The following DLGAP4 variants were observed in gnomAD, a reference collection of about 807,000 sequenced individuals.
DLGAP4 encodes DLG associated protein 4.
A neutral mutation model predicts 86.9 loss-of-function variants in DLGAP4; 18 were observed. The ratio of observed to expected loss-of-function variants is 0.21; its 90% confidence interval spans 0.14 to 0.31. DLGAP4 has a LOEUF of 0.31. Ranked by LOEUF, DLGAP4 falls within the 10% of genes least tolerant of loss-of-function variation. DLGAP4 has a pLI of 1.00. For synonymous variants in DLGAP4, 548 were observed against 574.3 expected (o/e 0.95, Z 0.65); for missense variants, 1,085 against 1,362.6 (o/e 0.80, Z 3.21).
chr20:36,436,384 C>A, intron 4 of DLGAP4, 34 bp downstream of exon 4: 2 of 1,552,242 alleles, frequency 1.3e-6, no homozygotes, highest in Non-Finnish European at 1.7e-6. Context: ...CGGTCCCGCC[C>A]AGAGGCAAGC....
intron 7 of DLGAP4, among the ~76,000 whole-genome samples, chr20:36,465,053 T>G (rs908085899): frequency 6.6e-6 from 1 of 152,178 alleles, no homozygotes; most frequent in Non-Finnish European, 1.5e-5. Flanking sequence ...ATGTATTTTT[T>G]TTTAAATCTG....
chr20:36,410,021 T>C (rs1418405139), intron 2 of DLGAP4, among the ~76,000 whole-genome samples: 1 of 147,486 alleles, frequency 6.8e-6, no homozygotes. Flanking sequence ...GCGACAGAGT[T>C]AGACTCCGTC....
rs12481257 is a variant in DLGAP4 at position 36,343,627 on chromosome 20, C to A, written c.-303-23418C>A. Among the ~76,000 whole-genome samples, 78 of 152,214 alleles carry A rather than the reference C, an allele frequency of 5.1e-4. 1 individual carries two copies. The highest frequency in any genetic ancestry group is 8.8e-4 in the Non-Finnish European group (60 of 67,994). On this transcript the variant is annotated intron_variant, in intron 1 of 12. Transcript: ENST00000339266. ...TTTTGAGGCTACCAGGTACCCCCCC[C>A]CAACCCCCCGTTGGGTGAATTTGAA...
Position 36,420,977 on chromosome 20 carries a change from G to GA in DLGAP4, c.-72-10657dup, listed in dbSNP as rs879279886. On this transcript the variant is annotated intron_variant, in intron 2 of 12. Transcript: ENST00000339266. The stretch of plus-strand genomic sequence containing the variant: ...AACAAGAGCGAAAACTCTGTCTCAA[G>GA]AAAAAAAAAAAATTAGTAGCCGTGC... 3.5e-3 allele frequency among the ~76,000 whole-genome samples: 498 copies of GA among 143,160 alleles called. 1 individual carries two copies. The highest frequency in any genetic ancestry group is 8.7e-3 in the African/African-American group (343 of 39,280). The allele number at this position is 143,160 out of a possible 152,430, so 93.9% of individuals were successfully genotyped here. A position where few individuals can be genotyped will look rare whatever the true frequency, so the allele number is the denominator to read the frequency against.
rs1401261652 is a variant in DLGAP4 at position 36,526,961 on chromosome 20, G to A, written c.2909G>A (p.Arg970Gln). The A allele has an allele frequency of 2.0e-5, 33 of 1,610,092 alleles. No homozygotes were observed. Among genetic ancestry groups the A allele is most frequent in the East Asian group, 2.2e-5 (1 of 44,682 alleles). ...GCGGCCAAGCGGGCAGCTTCTGTGC[G>A]GCAGAACTCAGCCACCGAGAGCGCA... is the stretch of plus-strand genomic sequence containing the variant. ...LLAAKRAASV[R>Q]QNSATESADS... The change falls in exon 13 of 13, where the codon CGG (arginine) becomes CAG (glutamine). Residue 970 changes from arginine (R) to glutamine (Q), a missense_variant. Physicochemically the swap from Arg to Gln is conservative, Grantham distance 43. Transcript: ENST00000339266.
chr20:36,405,265 A>G (rs1322777839), intron 2 of DLGAP4, among the ~76,000 whole-genome samples: 1 of 152,200 alleles, frequency 6.6e-6, no homozygotes, highest in Non-Finnish European at 1.5e-5. Flanking sequence ...TTCAAATCCC[A>G]TCTCTGTAAC....
At chr20:36,502,596 C>T (rs1163823371) in intron 10 of DLGAP4, among the ~76,000 whole-genome samples, 3 of 152,182 alleles carry the variant, frequency 2.0e-5, no homozygotes. Context: ...AAGCCATCCT[C>T]TTGGGTTGGC....
intron 2 of DLGAP4, among the ~76,000 whole-genome samples, chr20:36,401,684 C>T (rs2032166106): frequency 6.6e-6 from 1 of 152,210 alleles, no homozygotes; most frequent in Non-Finnish European, 1.5e-5. Context: ...TGGCAGAGCT[C>T]ACAATCTGGG....
intron 2 of DLGAP4, among the ~76,000 whole-genome samples, chr20:36,420,016 TA>T (rs5841231): frequency 0.86 from 130,239 of 152,148 alleles, 56,315 homozygotes; most frequent in East Asian, 1. Flanking sequence ...TGAGCTCACA[TA>T]ATGTGAAGCA....
chr20:36,361,258 T>C (rs1400922911), intron 1 of DLGAP4, among the ~76,000 whole-genome samples: 2 of 152,146 alleles, frequency 1.3e-5, no homozygotes, highest in Non-Finnish European at 2.9e-5. Context: ...ATTTTTCCAT[T>C]TCAGTTCAAC....
chr20:36,321,577 G>C (rs77705989), intron 1 of DLGAP4, among the ~76,000 whole-genome samples: 4,398 of 152,360 alleles, frequency 0.029, 256 homozygotes, highest in African/African-American at 0.1. Context: ...TGAGGCGCTC[G>C]CCCGCCTCAG....
At chr20:36,353,686 G>C (rs888890871) in intron 1 of DLGAP4, among the ~76,000 whole-genome samples, 3 of 152,234 alleles carry the variant, frequency 2.0e-5, no homozygotes, top group Non-Finnish European at 4.4e-5. Flanking sequence ...GCTCCAACCT[G>C]TGTCCGCCAC....
intron 10 of DLGAP4, among the ~76,000 whole-genome samples, chr20:36,522,555 C>T (rs1191316073): frequency 6.6e-6 from 1 of 152,224 alleles, no homozygotes; most frequent in Non-Finnish European, 1.5e-5. Flanking sequence ...GAGTCTTACT[C>T]TGCCACCCAC....
chr20:36,380,593 A>AAGAGAG (rs57814145), intron 2 of DLGAP4, among the ~76,000 whole-genome samples: 27 of 97,200 alleles, frequency 2.8e-4, no homozygotes, highest in Non-Finnish European at 4.4e-4. Context: ...GTCTGCATTA[A>AAGAGAG]AGAGAGAGAG....
At chr20:36,452,630 C>A (rs2033767337) in intron 7 of DLGAP4, among the ~76,000 whole-genome samples, 1 of 151,952 alleles carries the variant, frequency 6.6e-6, no homozygotes, top group Non-Finnish European at 1.5e-5. Flanking sequence ...CTGCCTTAGC[C>A]TCCCAGGTAG....
chr20:36,501,835 A>G (rs1456805057), intron 10 of DLGAP4, among the ~76,000 whole-genome samples: 5 of 152,196 alleles, frequency 3.3e-5, no homozygotes, highest in African/African-American at 1.2e-4. Flanking sequence ...CACACCCACT[A>G]GTGCAGGGGA....
chr20:36,359,803 T>G (rs1188603855), intron 1 of DLGAP4, among the ~76,000 whole-genome samples: 1 of 152,160 alleles, frequency 6.6e-6, no homozygotes, highest in Admixed American at 6.5e-5. Context: ...CCTTGCAGCT[T>G]GGAGCCACTG....
intron 7 of DLGAP4, among the ~76,000 whole-genome samples, chr20:36,466,414 A>C (rs1314217672): frequency 6.6e-6 from 1 of 152,152 alleles, no homozygotes; most frequent in Non-Finnish European, 1.5e-5. Flanking sequence ...CCTTTCCCCT[A>C]CTTGGTCCTG....
chr20:36,440,479 A>G (rs6012456), intron 5 of DLGAP4, among the ~76,000 whole-genome samples: 5,373 of 152,194 alleles, frequency 0.035, 345 homozygotes, highest in African/African-American at 0.12. Context: ...TGAGGAGCAT[A>G]CTGGGCTGAA....
Sources: allele counts gnomAD v4.1 joint callset (sites outside exome capture counted in the v4.1 genomes callset), GRCh38; gene constraint gnomAD v4.1.1; transcripts MANE v1.5; gene names NCBI Gene and HGNC (gene_info 2026-07-23, HGNC 2026-07-21).